The following SDK1 variants were observed in gnomAD, a reference collection of about 807,000 sequenced individuals.
The protein encoded by SDK1 is sidekick cell adhesion molecule 1.
Under a neutral mutation model 245.5 loss-of-function variants are expected in SDK1, and 157 were observed. That is an observed-to-expected ratio of 0.64 (90% CI 0.56 to 0.73). The LOEUF (loss-of-function observed/expected upper bound fraction) is 0.73. Among genes scored for constraint, SDK1 ranks in the 30% least tolerant of loss-of-function variants. The probability of loss-of-function intolerance (pLI) is 0.00; values close to 1 mark genes in which losing one functional copy is unlikely to be tolerated. For synonymous variants in SDK1, 1,647 were observed against 1,278.5 expected, an observed-to-expected ratio of 1.29 and a Z score of -6.15; for missense variants, 3,583 against 3,002.3, an observed-to-expected ratio of 1.19 and a Z score of -4.52.
intron 1 of SDK1, among the ~76,000 whole-genome samples, chr7:3,536,264 C>T (rs779617914): frequency 7.3e-5 from 11 of 151,424 alleles, no homozygotes; most frequent in Non-Finnish European, 1.0e-4. Flanking sequence ...GACGGGGTTG[C>T]ACCATGTTAG....
intron 1 of SDK1, among the ~76,000 whole-genome samples, chr7:3,485,052 A>AT (rs1297872414): frequency 4.6e-5 from 7 of 151,992 alleles, no homozygotes; most frequent in Non-Finnish European, 1.0e-4. Flanking sequence ...TGGCAGTTCT[A>AT]TTTTCCATTT....
At chr7:3,684,398 A>T (rs909635919) in intron 4 of SDK1, among the ~76,000 whole-genome samples, 1 of 152,204 alleles carries the variant, frequency 6.6e-6, no homozygotes, top group East Asian at 1.9e-4. Context: ...CCTCACTGAG[A>T]AGCAGCAAGG....
intron 22 of SDK1, among the ~76,000 whole-genome samples, chr7:4,087,281 C>G (rs1433957704): frequency 1.3e-5 from 2 of 152,092 alleles, no homozygotes; most frequent in Non-Finnish European, 2.9e-5. Flanking sequence ...TTAAAATGAC[C>G]ATTTTTTTTC....
At chr7:3,880,989 C>G (rs1475432698) in intron 5 of SDK1, among the ~76,000 whole-genome samples, 1 of 152,128 alleles carries the variant, frequency 6.6e-6, no homozygotes, top group South Asian at 2.1e-4. Flanking sequence ...CCCACTCACC[C>G]TTGAGAACAA....
intron 5 of SDK1, among the ~76,000 whole-genome samples, chr7:3,896,165 A>T (rs1377217830): frequency 2.6e-5 from 4 of 152,214 alleles, no homozygotes; most frequent in African/African-American, 9.7e-5. Context: ...AAAATGAAAA[A>T]CGAAATGTTT....
chr7:3,812,680 T>C (rs952872355), intron 4 of SDK1, among the ~76,000 whole-genome samples: 7 of 152,212 alleles, frequency 4.6e-5, no homozygotes, highest in Non-Finnish European at 1.0e-4. Flanking sequence ...TCTAGTTTCT[T>C]CCCTCTCTGG....
At chr7:3,795,496 C>T (rs1778940867) in intron 4 of SDK1, among the ~76,000 whole-genome samples, 1 of 152,106 alleles carries the variant, frequency 6.6e-6, no homozygotes, top group Non-Finnish European at 1.5e-5. Flanking sequence ...TGAAAGGAAT[C>T]TTAGTGACTT....
At chr7:3,666,334 G>C (rs1477588724) in intron 4 of SDK1, among the ~76,000 whole-genome samples, 1 of 152,168 alleles carries the variant, frequency 6.6e-6, no homozygotes, top group African/African-American at 2.4e-5. Flanking sequence ...GCTGCCCCAG[G>C]TCTCTTGTCA....
intron 1 of SDK1, among the ~76,000 whole-genome samples, chr7:3,542,985 C>T (rs866966431): frequency 6.6e-6 from 1 of 152,178 alleles, no homozygotes; most frequent in East Asian, 1.9e-4. Context: ...GTGCCAAGAG[C>T]CTCTTTGGGG....
chr7:4,253,585 C>T (rs1307907003), intron 44 of SDK1, among the ~76,000 whole-genome samples: 1 of 152,142 alleles, frequency 6.6e-6, no homozygotes. Context: ...TTCCTATCCA[C>T]TTGAGAAGAA....
chr7:3,903,804 C>A (rs759290463), intron 5 of SDK1, among the ~76,000 whole-genome samples: 1 of 152,098 alleles, frequency 6.6e-6, no homozygotes, highest in East Asian at 1.9e-4. Flanking sequence ...GTTTGGGTCA[C>A]GGAAGTGGGT....
intron 4 of SDK1, among the ~76,000 whole-genome samples, chr7:3,655,495 ATATATATATG>A (rs1406645501): frequency 1.1e-3 from 75 of 67,506 alleles, no homozygotes; most frequent in East Asian, 2.7e-3. Context: ...ATATATATAT[ATATATATATG>A]TATGTATGTA....
rs549999039 is a variant in SDK1, at chr7:3,771,470, C to G, written c.714-49980C>G. On this transcript the variant is annotated intron_variant, in intron 4 of 44. Transcript: ENST00000404826. Reference sequence around the variant, plus strand: ...CGTTTTTATAATAAACTTAACTCACCCTCATTGTTGTGCATATGTATGACT... The same window carrying G: ...CGTTTTTATAATAAACTTAACTCACGCTCATTGTTGTGCATATGTATGACT... Among the ~76,000 whole-genome samples the G allele has an allele frequency of 2.6e-5, 4 of 152,140 alleles. No homozygotes were observed. The South Asian group carries it at 8.3e-4, about 32-fold the overall frequency.
At chr7:3,958,103 C>A (rs962691061) in intron 7 of SDK1, 13 of 432,540 alleles carry the variant, frequency 3.0e-5, no homozygotes, top group Non-Finnish European at 4.2e-5. Flanking sequence ...TATCCACATT[C>A]AACACAATTA....
At chr7:3,364,503 T>C (rs1026216304) in intron 1 of SDK1, among the ~76,000 whole-genome samples, 5 of 152,226 alleles carry the variant, frequency 3.3e-5, no homozygotes, top group African/African-American at 1.2e-4. Context: ...CCCATGGATA[T>C]GCAATTGCTC....
At chr7:4,028,709 C>G (rs563350267) in intron 17 of SDK1, among the ~76,000 whole-genome samples, 1 of 152,366 alleles carries the variant, frequency 6.6e-6, no homozygotes, top group African/African-American at 2.4e-5. Context: ...GCCACACTGA[C>G]TTCCAGTCAA....
chr7:3,806,204 G>C (rs1004372181), intron 4 of SDK1, among the ~76,000 whole-genome samples: 6 of 152,340 alleles, frequency 3.9e-5, no homozygotes, highest in African/African-American at 1.4e-4. Flanking sequence ...AATAATCCAA[G>C]ACAATCTTCC....
chr7:4,217,287 A>C (rs190340731), intron 38 of SDK1, among the ~76,000 whole-genome samples: 193 of 59,260 alleles, frequency 3.3e-3, no homozygotes, highest in Admixed American at 7.8e-3. Context: ...CCACCCGGAG[A>C]ACCACACTAC....
At chr7:3,637,309 C>G (rs572795950) in intron 2 of SDK1, among the ~76,000 whole-genome samples, 5 of 152,294 alleles carry the variant, frequency 3.3e-5, no homozygotes, top group Admixed American at 2.0e-4. Flanking sequence ...GTTGGCTAAG[C>G]TGGTGTCAAA....
Sources: allele counts gnomAD v4.1 joint callset (sites outside exome capture counted in the v4.1 genomes callset), GRCh38; gene constraint gnomAD v4.1.1; transcripts MANE v1.5; gene names NCBI Gene and HGNC (gene_info 2026-07-23, HGNC 2026-07-21).